The following DISC1 variants were observed in gnomAD, a reference collection of about 807,000 sequenced individuals.
DISC1 encodes the protein disrupted in schizophrenia 1 protein.
A neutral mutation model predicts 84.5 loss-of-function variants in DISC1; 57 were observed. The observed-to-expected ratio is 0.67, with a 90% confidence interval of 0.55 to 0.84. The LOEUF (loss-of-function observed/expected upper bound fraction) is 0.84, where lower values mean the gene tolerates loss of function less well. Ranked by LOEUF, DISC1 falls within the 40% of genes least tolerant of loss-of-function variation. The pLI is 0.00. For missense variants in DISC1, 1,000 were observed against 1,057.8 expected (o/e 0.95, Z 0.76); for synonymous variants, 411 against 415.2 (o/e 0.99, Z 0.12).
chr1:231,962,639 G>A (rs1660544438), intron 10 of DISC1, among the ~76,000 whole-genome samples: 1 of 152,180 alleles, frequency 6.6e-6, no homozygotes, highest in African/African-American at 2.4e-5. Flanking sequence ...AAAGGCAGGG[G>A]GAGATTAGGG....
chr1:231,972,906 G>A (rs1017842759), intron 10 of DISC1, among the ~76,000 whole-genome samples: 11 of 152,156 alleles, frequency 7.2e-5, no homozygotes, highest in East Asian at 5.8e-4. Flanking sequence ...TAGGGTACAC[G>A]GGCCCTCTGT....
At chr1:231,756,516 CGAGAGAGAGAGAGAGAGAGAGAGA>C (rs60818301) in intron 4 of DISC1, among the ~76,000 whole-genome samples, 4,552 of 133,536 alleles carry the variant, frequency 0.034, 171 homozygotes, top group African/African-American at 0.098. Flanking sequence ...ATGTGAATAT[CGAGAGAGAGAGAGAGAGAGAGAGA>C]GAGAGAGAGA....
intron 6 of DISC1, among the ~76,000 whole-genome samples, chr1:231,771,988 G>GT (rs1159568307): frequency 6.8e-6 from 1 of 147,608 alleles, no homozygotes; most frequent in African/African-American, 2.5e-5. Flanking sequence ...TTTTTTTTAA[G>GT]TTTTTTGCAG....
At chr1:231,654,896 T>A (rs922817795) in intron 1 of DISC1, among the ~76,000 whole-genome samples, 1 of 152,168 alleles carries the variant, frequency 6.6e-6, no homozygotes, top group African/African-American at 2.4e-5. Context: ...GCCTTCAGGG[T>A]CAGATGGGAA....
intron 9 of DISC1, among the ~76,000 whole-genome samples, chr1:231,819,763 AT>A (rs910908964): frequency 6.6e-6 from 1 of 152,184 alleles, no homozygotes; most frequent in African/African-American, 2.4e-5. Context: ...GATTTTTTAA[AT>A]GTATAAACGA....
intron 9 of DISC1, among the ~76,000 whole-genome samples, chr1:231,936,952 G>A (rs2091017673): frequency 6.6e-6 from 1 of 152,032 alleles, no homozygotes; most frequent in Non-Finnish European, 1.5e-5. Flanking sequence ...TTGGTCAAAG[G>A]AGTCACCCTC....
chr1:231,797,748 A>G (rs2078873030), intron 7 of DISC1, among the ~76,000 whole-genome samples: 2 of 152,162 alleles, frequency 1.3e-5, no homozygotes, highest in South Asian at 4.1e-4. Flanking sequence ...ATAAAACTTT[A>G]TAATTACTTC....
intron 11 of DISC1, among the ~76,000 whole-genome samples, chr1:232,019,268 A>G (rs1419091988): frequency 6.6e-6 from 1 of 152,162 alleles, no homozygotes; most frequent in Non-Finnish European, 1.5e-5. Context: ...CAATCAGACC[A>G]TTTACCTGTT....
Position 231,704,392 on chromosome 1 carries a change from A to G in DISC1, c.1117+2368A>G, listed in dbSNP as rs1219546548. Among the ~76,000 whole-genome samples, 3 of 152,156 alleles carry G rather than the reference A, an allele frequency of 2.0e-5. No individual in the cohort carries two copies. The East Asian group carries it at 5.8e-4, about 29-fold the overall frequency. On this transcript the variant is annotated intron_variant, in intron 3 of 12. Coordinates refer to ENST00000439617, the MANE Select transcript of DISC1 (RefSeq NM_018662.3). ...CTTATGTGAAAAATATCTATTAAGTATCCATCGTATACAACAGCACTTCTC... is the reference window on the plus strand; with the variant it reads ...CTTATGTGAAAAATATCTATTAAGTGTCCATCGTATACAACAGCACTTCTC...
rs1375877200 is a variant in DISC1 at position 231,749,983 on chromosome 1, T to G, written c.1175T>G (p.Phe392Cys). Residue 392 changes from phenylalanine to cysteine, a missense_variant, in exon 4 of 13, where the codon TTT becomes TGT. Phe to Cys is a radical substitution (Grantham distance 205). Coordinates refer to ENST00000439617, the MANE Select transcript of DISC1 (RefSeq NM_018662.3). ...GAACAAGAGAAAATCAGCCTGCACT[T>G]TCAACTTCCTTCAAGGCAGCCAGCT... ...DLEQEKISLH[F>C]QLPSRQPALS... is the part of the protein sequence containing the mutation. 1 of 1,614,116 alleles carries G rather than the reference T, an allele frequency of 6.2e-7. No individual in the cohort carries two copies. Among genetic ancestry groups the G allele is most frequent in the Non-Finnish European group, 8.5e-7 (1 of 1,180,050 alleles).
chr1:231,826,603 A>C lies in DISC1; in HGVS notation c.1981+8086A>C, dbSNP rs2081879847. ...CTCATATCTTTTGTATTAAAACCTC[A>C]ATTCTTTATTTTCGAAGGGTGACTA... is the stretch of plus-strand genomic sequence containing the variant. On this transcript the variant is annotated intron_variant, in intron 9 of 12. Coordinates refer to ENST00000439617, the MANE Select transcript of DISC1 (RefSeq NM_018662.3). This position sits in a 1 kb window ranked among gnomAD's most constrained non-coding sequence, Gnocchi z 4.2. 1.3e-5 allele frequency among the ~76,000 whole-genome samples: 2 copies of C among 152,204 alleles called. No individual in the cohort carries two copies. Among genetic ancestry groups the C allele is most frequent in the South Asian group, 4.1e-4 (2 of 4,836 alleles).
intron 1 of DISC1, among the ~76,000 whole-genome samples, chr1:231,635,824 A>G (rs1036102734): frequency 1.3e-5 from 2 of 152,180 alleles, no homozygotes; most frequent in East Asian, 1.9e-4. Context: ...ATGTTTGTAT[A>G]TATATGTGTA....
intron 12 of DISC1, 42 bp from the exon 13 acceptor site, chr1:232,036,650 G>A (rs1248767071): frequency 1.3e-6 from 2 of 1,509,102 alleles, no homozygotes; most frequent in Non-Finnish European, 1.8e-6. Flanking sequence ...GCCGCAGAGG[G>A]CCACGATCAC....
chr1:231,955,297 A>G (rs1018059649), intron 9 of DISC1, among the ~76,000 whole-genome samples: 1 of 152,274 alleles, frequency 6.6e-6, no homozygotes, highest in South Asian at 2.1e-4. Flanking sequence ...CCCAAACTCC[A>G]GACTCAGATA....
chr1:231,723,379 G>A (rs1300592858), intron 3 of DISC1: 4 of 985,686 alleles, frequency 4.1e-6, no homozygotes, highest in Non-Finnish European at 3.6e-6. Flanking sequence ...TCTGTGGAAC[G>A]GCGATGATCT....
At position 231,795,288 on chromosome 1, in the gene DISC1, A is replaced by G. The variant is rs76230451; in HGVS notation, c.1681A>G (p.Thr561Ala). Residue 561 changes from threonine to alanine, a missense_variant, in exon 7 of 13, where the codon ACT becomes GCT. Around this residue, in one of 3 missense-constraint regions of DISC1, gnomAD observed 397 missense variants for 377.5 expected, o/e 1.05. Coordinates refer to ENST00000439617, the MANE Select transcript of DISC1 (RefSeq NM_018662.3). ...KSLNLSLKEI[T>A]TKVCMSEKFC... is the part of the protein sequence containing the mutation. ...CCTCAACTTGTCACTTAAAGAAATC[A>G]CTACTAAGGTAAGTACCTTTATATT... 9.5e-5 allele frequency: 154 copies of G among 1,613,248 alleles called. No homozygotes were observed. The East Asian group carries it at 3.4e-3, about 36-fold the overall frequency.
chr1:231,686,945 C>T (rs1360508476), intron 1 of DISC1, among the ~76,000 whole-genome samples: 1 of 152,136 alleles, frequency 6.6e-6, no homozygotes, highest in Non-Finnish European at 1.5e-5. Flanking sequence ...AAATGCTGCC[C>T]ATCTCTTTGC....
chr1:231,983,359 T>G (rs1572479353), intron 10 of DISC1, among the ~76,000 whole-genome samples: 1 of 150,640 alleles, frequency 6.6e-6, no homozygotes, highest in Non-Finnish European at 1.5e-5. Context: ...AGTCAGGGGG[T>G]GCAGAAGCTG....
chr1:231,739,365 A>G (rs1319065130), intron 3 of DISC1, among the ~76,000 whole-genome samples: 2 of 152,092 alleles, frequency 1.3e-5, no homozygotes, highest in African/African-American at 2.4e-5. Flanking sequence ...CATGTAACCT[A>G]TCTCCCATTT....
Sources: allele counts gnomAD v4.1 joint callset (sites outside exome capture counted in the v4.1 genomes callset), GRCh38; gene constraint gnomAD v4.1.1; regional missense constraint gnomAD v4.1.1; non-coding constraint Gnocchi (gnomAD v3.1); transcripts MANE v1.5; gene names NCBI Gene and HGNC (gene_info 2026-07-23, HGNC 2026-07-21).